COL21A1: variants seen among roughly 807,000 people sequenced by gnomAD.
The protein encoded by COL21A1 is collagen type XXI alpha 1 chain, also known as collagen alpha-1(XXI) chain.
COL21A1 carries 149 observed loss-of-function variants against 137.9 expected under a neutral mutation model. The ratio of observed to expected loss-of-function variants is 1.08; its 90% CI spans 0.95 to 1.24. COL21A1 has a LOEUF of 1.24. COL21A1 is among the 50% of genes most tolerant of loss of function. The pLI, the probability that COL21A1 is intolerant of heterozygous loss-of-function variation, is 0.00. For missense variants in COL21A1, 1,167 were observed against 1,158.4 expected, an observed-to-expected ratio of 1.01 and a Z score of -0.11; for synonymous variants, 456 against 391.5, an observed-to-expected ratio of 1.16 and a Z score of -1.95.
At chr6:56,096,630 G>C (rs558768164) in intron 17 of COL21A1, among the ~76,000 whole-genome samples, 21 of 152,154 alleles carry the variant, frequency 1.4e-4, no homozygotes, top group African/African-American at 5.1e-4. Flanking sequence ...ATAAATTATA[G>C]TGCTAGCCAT....
chr6:56,340,999 G>A (rs1464590706), intron 1 of COL21A1, among the ~76,000 whole-genome samples: 1 of 152,110 alleles, frequency 6.6e-6, no homozygotes, highest in East Asian at 1.9e-4. Flanking sequence ...TTTCATGGGT[G>A]TGTGAAACAT....
At chr6:56,107,342 T>G (rs182114912) in intron 16 of COL21A1, among the ~76,000 whole-genome samples, 1 of 151,984 alleles carries the variant, frequency 6.6e-6, no homozygotes, top group African/African-American at 2.4e-5. Flanking sequence ...AATTTCAATA[T>G]ATCTGTAATT....
chr6:56,190,570 A>T (rs1376682596), intron 1 of COL21A1, among the ~76,000 whole-genome samples: 5 of 152,194 alleles, frequency 3.3e-5, no homozygotes, highest in Non-Finnish European at 7.3e-5. Context: ...AAAAGAGGGA[A>T]TCCTCCCTAA....
At chr6:56,081,814 G>C (rs558546956) in intron 17 of COL21A1, among the ~76,000 whole-genome samples, 1 of 151,746 alleles carries the variant, frequency 6.6e-6, no homozygotes, top group Admixed American at 6.6e-5. Flanking sequence ...GGCCCACTTG[G>C]GACAGGACCC....
At position 56,168,119 on chromosome 6, in the gene COL21A1, T is replaced by C. The variant is rs1196267431; in HGVS notation, c.1200+5A>G. 7.4e-6 allele frequency: 11 copies of C among 1,479,664 alleles called. No individual in the cohort carries two copies. The highest frequency in any genetic ancestry group is 1.4e-5 in the African/African-American group (1 of 70,988). The allele number at this position is 1,479,664 out of a possible 1,614,324, so 91.7% of individuals were successfully genotyped here. On this transcript the variant is annotated splice_donor_5th_base_variant and intron_variant, in intron 6 of 29. Transcript: ENST00000244728. ...AATTCAAAGAGTAAATCATTATTTA[T>C]CTACCTGAACAGTTTCTTCTTTTCC...
intron 1 of COL21A1, among the ~76,000 whole-genome samples, chr6:56,311,090 A>C (rs1198409530): frequency 6.6e-6 from 1 of 152,208 alleles, no homozygotes; most frequent in African/African-American, 2.4e-5. Context: ...TAAAAGCACC[A>C]TTTCCATAAA....
intron 24 of COL21A1, among the ~76,000 whole-genome samples, chr6:56,064,214 G>A (rs779769027): frequency 6.6e-5 from 10 of 152,014 alleles, no homozygotes. Context: ...TGATTTTCAA[G>A]AAGAAAAGCA....
At chr6:56,190,504 C>G (rs1042081479) in intron 1 of COL21A1, among the ~76,000 whole-genome samples, 2 of 152,110 alleles carry the variant, frequency 1.3e-5, no homozygotes, top group South Asian at 2.1e-4. Flanking sequence ...CAAATTCTGC[C>G]AGAGGTAAAA....
rs576592233 is a variant in COL21A1, at chr6:56,360,938, A to G, written c.-39+33033T>C. ...ATCATGGGGAAACTCCGTCTCTACT[A>G]AAAATACGAAAATAAGCCAGGTTGT... On this transcript the variant is annotated intron_variant, in intron 1 of 28. Transcript: ENST00000370819. Among the ~76,000 whole-genome samples the G allele has an allele frequency of 3.9e-4, 60 of 152,248 alleles. 3 individuals carry two copies. The South Asian group carries it at 0.011, about 29-fold the overall frequency.
chr6:56,124,630 T>TGTTTGTTTG (rs1554140095), intron 14 of COL21A1, among the ~76,000 whole-genome samples: 1 of 150,570 alleles, frequency 6.6e-6, no homozygotes, highest in African/African-American at 2.4e-5. Flanking sequence ...TGGACATGTT[T>TGTTTGTTTG]TTTGTTTGTT....
chr6:56,251,080 T>A (rs1426458267), upstream of COL21A1, among the ~76,000 whole-genome samples: 1 of 152,192 alleles, frequency 6.6e-6, no homozygotes, highest in Non-Finnish European at 1.5e-5. Flanking sequence ...GTCCTCTGTC[T>A]CACCTCTGCC....
At chr6:56,362,373 AT>A (rs1472379376) in intron 1 of COL21A1, among the ~76,000 whole-genome samples, 1 of 151,226 alleles carries the variant, frequency 6.6e-6, no homozygotes, top group African/African-American at 2.5e-5. Flanking sequence ...AGTATGTATT[AT>A]TTTTTAATTT....
chr6:56,177,791 C>CAAAAAAA (rs3065941), intron 3 of COL21A1, among the ~76,000 whole-genome samples: 3 of 69,378 alleles, frequency 4.3e-5, no homozygotes, highest in Non-Finnish European at 5.2e-5. Context: ...GACTCTGCCT[C>CAAAAAAA]AAAAAAAAAA....
intron 12 of COL21A1, among the ~76,000 whole-genome samples, chr6:56,131,173 G>T (rs1238873196): frequency 6.6e-6 from 1 of 151,798 alleles, no homozygotes. Context: ...TTGAAAAAAT[G>T]GTGTCTTATG....
At chr6:56,139,277 A>ATTTAG (rs1774225091) in intron 12 of COL21A1, among the ~76,000 whole-genome samples, 1 of 152,172 alleles carries the variant, frequency 6.6e-6, no homozygotes, top group Non-Finnish European at 1.5e-5. Context: ...TAGGCCAACC[A>ATTTAG]CATGCATGTC....
intron 1 of COL21A1, among the ~76,000 whole-genome samples, chr6:56,242,433 T>C (rs1017114436): frequency 6.6e-6 from 1 of 152,160 alleles, no homozygotes; most frequent in African/African-American, 2.4e-5. Flanking sequence ...TGGTCCTTAG[T>C]CTTTTCTTCT....
intron 1 of COL21A1, among the ~76,000 whole-genome samples, chr6:56,313,277 AGAGAACAGACTAGTTGTTCTCTAGT>A (rs1764654324): frequency 6.6e-6 from 1 of 152,156 alleles, no homozygotes; most frequent in Non-Finnish European, 1.5e-5. Flanking sequence ...TGGAGCAGTC[AGAGAACAGACTAGTTGTTCTCTAGT>A]GAGAACAGCT....
chr6:56,190,427 T>C (rs1778585312), intron 1 of COL21A1, among the ~76,000 whole-genome samples: 1 of 152,048 alleles, frequency 6.6e-6, no homozygotes, highest in Non-Finnish European at 1.5e-5. Context: ...AATAACAAGT[T>C]CTGAAATTGA....
intron 17 of COL21A1, among the ~76,000 whole-genome samples, chr6:56,098,648 A>ATATAAATAT (rs1770070671): frequency 8.8e-5 from 1 of 11,380 alleles, no homozygotes; most frequent in African/African-American, 4.9e-4. Context: ...AATATATATA[A>ATATAAATAT]ATATATAAAT....
Sources: gnomAD v4.1 joint callset for allele counts (sites outside exome capture counted in the v4.1 genomes callset) on GRCh38, gnomAD v4.1.1 for gene constraint, MANE v1.5 for transcripts, NCBI Gene and HGNC (gene_info 2026-07-23, HGNC 2026-07-21) for gene names.